PHF21B: variants seen among roughly 807,000 people sequenced by gnomAD.
PHF21B encodes the protein PHD finger protein 21B.
Under a neutral mutation model 62.2 loss-of-function variants are expected in PHF21B, and 22 were observed. That is an observed-to-expected ratio of 0.35 (90% CI 0.25 to 0.51). The LOEUF (loss-of-function observed/expected upper bound fraction) is 0.51, where lower values mean the gene tolerates loss of function less well. Ranked by LOEUF, PHF21B falls within the 20% of genes least tolerant of loss-of-function variation. PHF21B has a pLI of 0.97. For missense variants in PHF21B, 701 were observed against 707.9 expected (o/e 0.99, Z 0.11); for synonymous variants, 341 against 314.7 (o/e 1.08, Z -0.88).
chr22:45,008,309 C>T (rs969296711), intron 2 of PHF21B: 11 of 378,782 alleles, frequency 2.9e-5, no homozygotes, highest in Non-Finnish European at 3.7e-5. Flanking sequence ...CGCGCGCTGC[C>T]TTTTAAGTGA....
At chr22:44,884,501 C>T (rs530270129) in intron 12 of PHF21B, among the ~76,000 whole-genome samples, 1 of 151,430 alleles carries the variant, frequency 6.6e-6, no homozygotes, top group African/African-American at 2.4e-5. Context: ...TCACCATCGT[C>T]ACCACCACCA....
intron 8 of PHF21B, 81 bp downstream of exon 8, chr22:44,891,225 G>T: frequency 6.6e-7 from 1 of 1,512,526 alleles, no homozygotes; most frequent in Non-Finnish European, 9.1e-7. Context: ...CCCTGCCCAG[G>T]CCCAGGCGTG....
intron 4 of PHF21B, among the ~76,000 whole-genome samples, chr22:44,914,943 A>C (rs545134351): frequency 2.0e-5 from 3 of 152,356 alleles, no homozygotes; most frequent in Admixed American, 1.3e-4. Context: ...TCACGGCTCC[A>C]AGAAGAAGAA....
Position 45,009,019 on chromosome 22 carries a change from A to AAC in PHF21B, c.55-411_55-410dup, listed in dbSNP as rs1044107255. The stretch of plus-strand genomic sequence containing the variant: ...ATTCAAGTCGCGTCCTAATCTCCCC[A>AAC]ACACACACACGCGCACGCCGAGCCC... On this transcript the variant is annotated intron_variant, in intron 1 of 12. Transcript: ENST00000313237. This position sits in a 1 kb window ranked among gnomAD's most constrained non-coding sequence, Gnocchi z 5.9. 6 of 1,123,870 alleles carry AAC rather than the reference A, an allele frequency of 5.3e-6. No homozygotes were observed. The Admixed American group carries it at 1.5e-4, about 28-fold the overall frequency. 69.6% of individuals were successfully genotyped at this position (1,123,870 alleles called of 1,614,324 possible). A position where few individuals can be genotyped will look rare whatever the true frequency, so the allele number is the denominator to read the frequency against.
chr22:44,907,488 G>A (rs980656198), intron 5 of PHF21B, among the ~76,000 whole-genome samples: 1 of 152,208 alleles, frequency 6.6e-6, no homozygotes, highest in Non-Finnish European at 1.5e-5. Context: ...GGCGTGGGAT[G>A]TACACGGCCT....
At chr22:44,962,913 G>A (rs1426979336) in intron 2 of PHF21B, among the ~76,000 whole-genome samples, 1 of 152,178 alleles carries the variant, frequency 6.6e-6, no homozygotes, top group East Asian at 1.9e-4. Flanking sequence ...ACGCAGTACA[G>A]TTTTCTCTTC....
At chr22:44,924,328 C>T (rs573681675) in intron 2 of PHF21B, among the ~76,000 whole-genome samples, 2 of 152,268 alleles carry the variant, frequency 1.3e-5, no homozygotes, top group Non-Finnish European at 2.9e-5. Context: ...CCACTGCTGT[C>T]GGGAACATAA....
chr22:44,964,989 T>C (rs979374445), intron 2 of PHF21B, among the ~76,000 whole-genome samples: 1 of 152,142 alleles, frequency 6.6e-6, no homozygotes, highest in Non-Finnish European at 1.5e-5. Context: ...ACAATGCACA[T>C]AGGGTGCCTG....
intron 5 of PHF21B, among the ~76,000 whole-genome samples, chr22:44,911,119 T>G (rs1601590707): frequency 6.6e-6 from 1 of 152,298 alleles, no homozygotes; most frequent in East Asian, 1.9e-4. Flanking sequence ...AGAGATGATT[T>G]AGGGTATCTG....
At chr22:44,917,314 G>C (rs1173873096) in intron 3 of PHF21B, among the ~76,000 whole-genome samples, 2 of 152,170 alleles carry the variant, frequency 1.3e-5, no homozygotes, top group African/African-American at 4.8e-5. Flanking sequence ...GAGACTTACT[G>C]GGGTTCGGAA....
intron 2 of PHF21B, among the ~76,000 whole-genome samples, chr22:44,974,848 C>T (rs891438832): frequency 1.3e-5 from 2 of 152,182 alleles, no homozygotes; most frequent in Non-Finnish European, 2.9e-5. Context: ...CAATGAATAG[C>T]GTAATATTCT....
chr22:44,987,416 C>T (rs1002492150), intron 2 of PHF21B, among the ~76,000 whole-genome samples: 5 of 152,164 alleles, frequency 3.3e-5, no homozygotes, highest in African/African-American at 1.2e-4. Flanking sequence ...CTGTAACAGC[C>T]ACGGTTCTGC....
intron 7 of PHF21B, 149 bp from the exon 8 acceptor site, chr22:44,891,509 T>A: frequency 1.2e-6 from 1 of 864,324 alleles, no homozygotes; most frequent in South Asian, 1.6e-5. Context: ...GGGGCAGAAA[T>A]AGGAACAAAT....
intron 2 of PHF21B, among the ~76,000 whole-genome samples, chr22:44,987,023 T>C (rs896912551): frequency 2.0e-5 from 3 of 152,180 alleles, no homozygotes; most frequent in Non-Finnish European, 4.4e-5. Flanking sequence ...CGAGAGAGGC[T>C]AAGAAGACAT....
chr22:44,942,169 T>C (rs115027059), intron 2 of PHF21B, among the ~76,000 whole-genome samples: 3,010 of 152,266 alleles, frequency 0.02, 94 homozygotes, highest in African/African-American at 0.068. Flanking sequence ...CTTCTCCCTT[T>C]TCCCAGCCAG....
chr22:44,882,972 G>T lies in PHF21B; in HGVS notation c.*114C>A. 1 of 1,259,126 alleles carries T rather than the reference G, an allele frequency of 7.9e-7. No individual in the cohort carries two copies. Among genetic ancestry groups the T allele is most frequent in the Non-Finnish European group, 1.1e-6 (1 of 916,616 alleles). 78.0% of individuals were successfully genotyped at this position (1,259,126 alleles called of 1,614,324 possible). Reference sequence around the variant, plus strand: ...CTTCCTCCCTCCTCTCCTCTGTCTGGTTAATTTTTGTCTGAAATTCATAGT... The same window carrying T: ...CTTCCTCCCTCCTCTCCTCTGTCTGTTTAATTTTTGTCTGAAATTCATAGT... On this transcript the variant is annotated 3_prime_UTR_variant, in exon 13 of 13. Transcript: ENST00000313237.
At chr22:44,964,995 GC>G (rs2072496403) in intron 2 of PHF21B, among the ~76,000 whole-genome samples, 1 of 152,186 alleles carries the variant, frequency 6.6e-6, no homozygotes, top group Non-Finnish European at 1.5e-5. Flanking sequence ...CACATAGGGT[GC>G]CTGGGGCAGG....
chr22:44,967,957 G>A (rs905679273), intron 2 of PHF21B, among the ~76,000 whole-genome samples: 2 of 152,190 alleles, frequency 1.3e-5, no homozygotes, highest in African/African-American at 4.8e-5. Flanking sequence ...GGGCTTTGGG[G>A]AGGAAGACTG....
intron 5 of PHF21B, among the ~76,000 whole-genome samples, chr22:44,912,878 C>CAAAAAAAAA (rs3087031): frequency 0.015 from 703 of 45,470 alleles, 113 homozygotes; most frequent in African/African-American, 0.041. Context: ...GACTCTATCT[C>CAAAAAAAAA]AAAAAAAAAA....
Sources: gnomAD v4.1 joint callset for allele counts (sites outside exome capture counted in the v4.1 genomes callset) on GRCh38, gnomAD v4.1.1 for gene constraint, Gnocchi (gnomAD v3.1) non-coding constraint, MANE v1.5 for transcripts, NCBI Gene and HGNC (gene_info 2026-07-23, HGNC 2026-07-21) for gene names.